Variants in PRPF8 observed in about 807,000 individuals in gnomAD.
PRPF8 encodes the protein pre-mRNA processing factor 8.
PRPF8 carries 64 observed loss-of-function variants against 285.9 expected under a neutral mutation model. The observed-to-expected ratio is 0.22, with a 90% CI of 0.18 to 0.28. The LOEUF (loss-of-function observed/expected upper bound fraction) is 0.28, where lower values mean the gene tolerates loss of function less well. Among genes scored for constraint, PRPF8 ranks in the 10% least tolerant of loss-of-function variants. PRPF8 has a pLI of 1.00. For missense variants in PRPF8, 1,426 were observed against 3,026.7 expected, an observed-to-expected ratio of 0.47 and a Z score of 12.41; for synonymous variants, 1,325 against 1,118.2, an observed-to-expected ratio of 1.18 and a Z score of -3.69.
rs777740892 is a variant in PRPF8 at position 1,656,723 on chromosome 17, C to A, written c.5544G>T (p.Leu1848=). Residue 1848 remains leucine (L), a synonymous_variant, in exon 35 of 43, where the codon CTG becomes CTT. Transcript: ENST00000304992. ...KWKTAEEVAA[L]IRSLPVEEQP... ...GCTCCTCCACAGGCAGAGATCGGAT[C>A]AGGGCGGCCACCTCCTCAGCTGTCT... is the stretch of plus-strand genomic sequence containing the variant. The A allele has an allele frequency of 1.2e-6, 2 of 1,614,134 alleles. No individual in the cohort carries two copies. Among genetic ancestry groups the A allele is most frequent in the African/African-American group, 2.7e-5 (2 of 75,028 alleles).
Position 1,675,443 on chromosome 17 carries a change from C to T in PRPF8, c.2873-104G>A, listed in dbSNP as rs900021347. 8.8e-6 allele frequency: 13 copies of T among 1,472,992 alleles called. No individual in the cohort carries two copies. The African/African-American group carries it at 1.7e-4, about 19-fold the overall frequency. 91.2% of individuals were successfully genotyped at this position (1,472,992 alleles called of 1,614,324 possible). A position where few individuals can be genotyped will look rare whatever the true frequency, so the allele number is the denominator to read the frequency against. On this transcript the variant is annotated intron_variant, in intron 19 of 42. Coordinates refer to ENST00000304992, the MANE Select transcript of PRPF8 (RefSeq NM_006445.4). The surrounding 1 kb of genome is among the most constrained non-coding windows in gnomAD (Gnocchi z 6.0). ...TCCATAACCAATCCCACTATGATTC[C>T]ACGTATTCATTTGGATTGCTTTGAC...
chr17:1,683,792 G>C (rs1248223055), intron 2 of PRPF8, 91 bp from the exon 3 acceptor site: 25 of 1,507,130 alleles, frequency 1.7e-5, no homozygotes, highest in Non-Finnish European at 2.1e-5. Context: ...CAGTGAGTGT[G>C]AGGGAGAAGC....
chr17:1,657,881 G>A (rs891643887), intron 34 of PRPF8, among the ~76,000 whole-genome samples: 1 of 150,376 alleles, frequency 6.6e-6, no homozygotes, highest in African/African-American at 2.4e-5. Flanking sequence ...TAAGGCAGGA[G>A]AATGGCGTGA....
chr17:1,673,859 T>G lies in PRPF8; in HGVS notation c.3333A>C (p.Gln1111His). 1 of 1,613,920 alleles carries G rather than the reference T, an allele frequency of 6.2e-7. No individual in the cohort carries two copies. ...GGTCAGGGTGCTCTGTCAGGTAACG[T>G]TGAATCAGGTCCCGAGCCTCATCTG... ...FTADEARDLI[Q>H]RYLTEHPDPN... The change falls in exon 22 of 43, where the codon CAA (glutamine) becomes CAC (histidine). Residue 1111 changes from glutamine (Q) to histidine (H), a missense_variant. By Grantham distance (24) the Gln-to-His change is conservative (BLOSUM62 0). This residue lies in a region of PRPF8 where 148 missense variants were observed against 196.2 expected (regional missense o/e 0.75). Coordinates refer to ENST00000304992, the MANE Select transcript of PRPF8 (RefSeq NM_006445.4). The surrounding 1 kb of genome is among the most constrained non-coding windows in gnomAD (Gnocchi z 5.5).
chr17:1,664,964 T>G (rs1238551256), intron 24 of PRPF8, among the ~76,000 whole-genome samples: 1 of 150,324 alleles, frequency 6.7e-6, no homozygotes. Context: ...AAGACCAGCC[T>G]GGCCAACATG....
At chr17:1,678,437 C>A in intron 13 of PRPF8, 81 bp downstream of exon 13, 12 of 1,573,366 alleles carry the variant, frequency 7.6e-6, no homozygotes, top group Non-Finnish European at 9.6e-6. Context: ...GAGCCAAGAT[C>A]GTGCCATTGC....
At position 1,681,513 on chromosome 17, in the gene PRPF8, G is replaced by A; in HGVS notation, c.831C>T (p.Pro277=). Residue 277 remains proline, a synonymous_variant, in exon 6 of 43, where the codon CCC becomes CCT. Transcript: ENST00000304992. The part of the protein sequence containing the change: ...KALNMAIPGG[P]KFEPLVRDIN... The stretch of plus-strand genomic sequence containing the variant: ...TGTCTCGAACAAGAGGTTCAAATTT[G>A]GGGCCTCCAGGAATGGCCATATTGA... 1.9e-6 allele frequency: 3 copies of A among 1,610,156 alleles called. No individual in the cohort carries two copies. Among genetic ancestry groups the A allele is most frequent in the Non-Finnish European group, 2.6e-6 (3 of 1,176,442 alleles).
chr17:1,673,205 A>G lies in PRPF8; in HGVS notation c.3658-8T>C. 6.2e-7 allele frequency: 1 copy of G among 1,613,314 alleles called. No individual in the cohort carries two copies. Among genetic ancestry groups the G allele is most frequent in the Non-Finnish European group, 8.5e-7 (1 of 1,179,232 alleles). On this transcript the variant is annotated splice_region_variant and splice_polypyrimidine_tract_variant and intron_variant, in intron 23 of 42. Coordinates refer to ENST00000304992, the MANE Select transcript of PRPF8 (RefSeq NM_006445.4). This position sits in a 1 kb window ranked among gnomAD's most constrained non-coding sequence, Gnocchi z 5.5. ...TGTGCGCTCCTTAGTAACCTAAACC[A>G]CAAAGTCAAGGTTAACATGTCCGAG... is the stretch of plus-strand genomic sequence containing the variant.
intron 28 of PRPF8, 28 bp downstream of exon 28, chr17:1,660,965 G>A (rs1911652855): frequency 1.2e-6 from 2 of 1,613,072 alleles, no homozygotes; most frequent in South Asian, 2.2e-5. Flanking sequence ...GGTTGTGACA[G>A]GTCCCTCTAA....
chr17:1,678,717 T>G (rs1266216230), intron 12 of PRPF8, 45 bp downstream of exon 12: 8 of 1,614,110 alleles, frequency 5.0e-6, no homozygotes. Context: ...ACAGGCTTCC[T>G]CCAGCGTCCT....
intron 24 of PRPF8, among the ~76,000 whole-genome samples, chr17:1,667,532 A>C (rs1461754038): frequency 6.7e-6 from 1 of 148,348 alleles, no homozygotes; most frequent in African/African-American, 2.5e-5. Flanking sequence ...CTTGCCCATG[A>C]CATAGCTTTT....
At position 1,673,353 on chromosome 17, in the gene PRPF8, G is replaced by A. The variant is rs200104174; in HGVS notation, c.3657+4C>T. The A allele has an allele frequency of 2.0e-5, 33 of 1,614,012 alleles. No individual in the cohort carries two copies. The African/African-American group carries it at 3.3e-4, about 16-fold the overall frequency. ...TGTCACTCCCAGCCCCGCCCAGGCT[G>A]TACCTCATTCTGCAGGTTCCAGACC... On this transcript the variant is annotated splice_donor_region_variant and intron_variant, in intron 23 of 42. Coordinates refer to ENST00000304992, the MANE Select transcript of PRPF8 (RefSeq NM_006445.4). This position sits in a 1 kb window ranked among gnomAD's most constrained non-coding sequence, Gnocchi z 5.5.
Position 1,684,459 on chromosome 17 carries a change from A to G in PRPF8, c.100+13T>C. ...GCCTCCGGCCCGCGCGCCGCTCCAC[A>G]CTCTCGCCTCACCTTTCTCCTGCAG... On this transcript the variant is annotated intron_variant, in intron 2 of 42. Transcript: ENST00000304992. The G allele has an allele frequency of 1.2e-6, 2 of 1,611,652 alleles. No homozygotes were observed. The highest frequency in any genetic ancestry group is 1.7e-6 in the Non-Finnish European group (2 of 1,179,338).
At chr17:1,656,304 G>A (rs1434147621) in intron 36 of PRPF8, 88 bp downstream of exon 36, 1 of 1,535,606 alleles carries the variant, frequency 6.5e-7, no homozygotes, top group Non-Finnish European at 9.0e-7. Flanking sequence ...GGCTAAAAAT[G>A]TGAAAATGGC....
chr17:1,672,260 C>T (rs77408475), intron 24 of PRPF8, among the ~76,000 whole-genome samples: 12,789 of 152,118 alleles, frequency 0.084, 714 homozygotes, highest in South Asian at 0.24. Context: ...TAATGGAAAC[C>T]AGAGTAAGGT....
Position 1,661,768 on chromosome 17 carries a change from C to T in PRPF8, c.4045G>A (p.Gly1349Ser). 6.2e-7 allele frequency: 1 copy of T among 1,614,204 alleles called. No individual in the cohort carries two copies. The highest frequency in any genetic ancestry group is 8.5e-7 in the Non-Finnish European group (1 of 1,180,046). Reference protein sequence around the residue: ...DLRWSKQTDVGITHFRSGMSH... With the variant: ...DLRWSKQTDVSITHFRSGMSH... Reference sequence around the variant, plus strand: ...ATTCCTGAACGAAAGTGTGTGATACCTACATCTGTCTGTTTGGACCACCTG... The same window carrying T: ...ATTCCTGAACGAAAGTGTGTGATACTTACATCTGTCTGTTTGGACCACCTG... The change falls in exon 26 of 43, where the codon GGT becomes AGT. Residue 1349 changes from glycine (G) to serine (S), a missense_variant. Physicochemically the swap from Gly to Ser is moderately conservative, Grantham distance 56 (BLOSUM62 0). Around this residue, in one of 34 missense-constraint regions of PRPF8, gnomAD observed 16 missense variants for 16.3 expected, o/e 0.98. Coordinates refer to ENST00000304992, the MANE Select transcript of PRPF8 (RefSeq NM_006445.4). This position sits in a 1 kb window ranked among gnomAD's most constrained non-coding sequence, Gnocchi z 7.3.
intron 14 of PRPF8, 140 bp downstream of exon 14, chr17:1,677,425 G>A: frequency 1.5e-6 from 2 of 1,305,764 alleles, no homozygotes; most frequent in South Asian, 2.4e-5. Context: ...TAGAATACTA[G>A]GTCAGACTCA....
chr17:1,653,512 ACT>A lies in PRPF8; in HGVS notation c.6369+28_6369+29del. On this transcript the variant is annotated intron_variant, in intron 39 of 42. Coordinates refer to ENST00000304992, the MANE Select transcript of PRPF8 (RefSeq NM_006445.4). This position sits in a 1 kb window ranked among gnomAD's most constrained non-coding sequence, Gnocchi z 4.9. The stretch of plus-strand genomic sequence containing the variant: ...TAGGCACAAAATGAGTTGGGCACAC[ACT>A]GTGGCCTAGCTGAGTCCACTTACTC... The A allele has an allele frequency of 1.2e-6, 2 of 1,614,126 alleles. No homozygotes were observed. The highest frequency in any genetic ancestry group is 1.7e-6 in the Non-Finnish European group (2 of 1,179,946).
intron 24 of PRPF8, among the ~76,000 whole-genome samples, chr17:1,664,498 A>G (rs1241342097): frequency 5.3e-5 from 8 of 152,176 alleles, no homozygotes; most frequent in Admixed American, 5.2e-4. Context: ...GAGAGACTGT[A>G]CGCTAGGACA....
Sources: allele counts gnomAD v4.1 joint callset (sites outside exome capture counted in the v4.1 genomes callset), GRCh38; gene constraint gnomAD v4.1.1; regional missense constraint gnomAD v4.1.1; non-coding constraint Gnocchi (gnomAD v3.1); transcripts MANE v1.5; gene names NCBI Gene and HGNC (gene_info 2026-07-23, HGNC 2026-07-21).